Variants in MEGF11 observed in about 807,000 individuals in gnomAD.
MEGF11 encodes multiple EGF like domains 11, also known as multiple epidermal growth factor-like domains protein 11.
MEGF11 carries 126 observed loss-of-function variants against 146.6 expected under a neutral mutation model. The observed-to-expected ratio is 0.86, with a 90% confidence interval of 0.74 to 1.00. The LOEUF (loss-of-function observed/expected upper bound fraction) is 1.00, where lower values mean the gene tolerates loss of function less well. MEGF11 is among the 50% of genes least tolerant of loss of function. The pLI is 0.00. For synonymous variants in MEGF11, 532 were observed against 583.4 expected (o/e 0.91, Z 1.27); for missense variants, 1,509 against 1,521.2 (o/e 0.99, Z 0.13).
chr15:66,045,167 G>A (rs572295525), intron 5 of MEGF11, among the ~76,000 whole-genome samples: 2 of 152,296 alleles, frequency 1.3e-5, no homozygotes, highest in African/African-American at 4.8e-5. Flanking sequence ...CAGGGCGGTT[G>A]GCCTTCATGA....
rs147224912 is a variant in MEGF11 at position 65,949,753 on chromosome 15, G to A, written c.1287+7794C>T. 4.6e-5 allele frequency among the ~76,000 whole-genome samples: 7 copies of A among 152,352 alleles called. No individual in the cohort carries two copies. The East Asian group carries it at 1.3e-3, about 29-fold the overall frequency. On this transcript the variant is annotated intron_variant, in intron 10 of 25. Coordinates refer to ENST00000395614, the MANE Select transcript of MEGF11 (RefSeq NM_001385028.1). The stretch of plus-strand genomic sequence containing the variant: ...AAATCAAGTTTTTGCAGCCCTGGCA[G>A]TGACCTCACAGACAGTTCACTGCAG...
chr15:65,964,854 T>C, intron 9 of MEGF11, 54 bp downstream of exon 9: 1 of 1,480,540 alleles, frequency 6.8e-7, no homozygotes. Flanking sequence ...AAGCCTCCTC[T>C]CTACCTGAGC....
At chr15:65,959,516 A>G (rs1384731378) in intron 9 of MEGF11, among the ~76,000 whole-genome samples, 5 of 152,246 alleles carry the variant, frequency 3.3e-5, no homozygotes, top group African/African-American at 1.2e-4. Context: ...TTTCAAAACA[A>G]TCTGAGGCTA....
chr15:66,017,636 A>G (rs2082934758), intron 5 of MEGF11, among the ~76,000 whole-genome samples: 1 of 152,092 alleles, frequency 6.6e-6, no homozygotes, highest in African/African-American at 2.4e-5. Context: ...TCTGAGGGTC[A>G]CACCCTTCTC....
rs565312830 is a variant in MEGF11 at position 65,915,799 on chromosome 15, A to G, written c.2345-201T>C. 5.9e-5 allele frequency among the ~76,000 whole-genome samples: 9 copies of G among 152,032 alleles called. No individual in the cohort carries two copies. In the East Asian group the frequency reaches 1.7e-3, roughly 29 times the overall value. ...GAGTGAGCAGGGCCCACTCACCCCT[A>G]CTTCCTCCTCATGCAACACATTTAA... On this transcript the variant is annotated intron_variant, in intron 18 of 25. Coordinates refer to ENST00000395614, the MANE Select transcript of MEGF11 (RefSeq NM_001385028.1).
intron 5 of MEGF11, among the ~76,000 whole-genome samples, chr15:66,017,542 A>C (rs116059338): frequency 0.011 from 1,705 of 152,188 alleles, 40 homozygotes; most frequent in African/African-American, 0.04. Context: ...CAGCACCCGG[A>C]ATCCTCCGGC....
intron 5 of MEGF11, among the ~76,000 whole-genome samples, chr15:66,087,734 G>A (rs1361976820): frequency 1.3e-5 from 2 of 152,060 alleles, no homozygotes; most frequent in Non-Finnish European, 2.9e-5. Flanking sequence ...AACACAAATA[G>A]ATAACCTAAG....
At chr15:66,200,441 T>G (rs1213243653) in intron 1 of MEGF11, among the ~76,000 whole-genome samples, 2 of 152,236 alleles carry the variant, frequency 1.3e-5, no homozygotes, top group African/African-American at 4.8e-5. Flanking sequence ...CTTGTAAGAC[T>G]CTCTAGGGGA....
chr15:66,133,843 T>C (rs919113862), intron 1 of MEGF11, among the ~76,000 whole-genome samples: 28 of 152,172 alleles, frequency 1.8e-4, no homozygotes, highest in Admixed American at 1.8e-3. Context: ...TAAAGAGTGA[T>C]TCCCTGACTG....
chr15:66,250,265 C>T lies in MEGF11; in HGVS notation c.-9+3340G>A, dbSNP rs768082236. Among the ~76,000 whole-genome samples the T allele has an allele frequency of 3.3e-5, 5 of 152,362 alleles. 1 individual carries two copies. The highest frequency in any genetic ancestry group is 5.9e-5 in the Non-Finnish European group (4 of 68,036). Reference sequence around the variant, plus strand: ...CAGGAGCTGGGGTCATGCAAGCCCACAGAATCTCCAAATCTCACAGCCAAC... The same window carrying T: ...CAGGAGCTGGGGTCATGCAAGCCCATAGAATCTCCAAATCTCACAGCCAAC... On this transcript the variant is annotated intron_variant, in intron 1 of 25. Coordinates refer to ENST00000395614, the MANE Select transcript of MEGF11 (RefSeq NM_001385028.1).
intron 5 of MEGF11, among the ~76,000 whole-genome samples, chr15:66,068,931 A>C (rs2085251656): frequency 6.6e-6 from 1 of 152,220 alleles, no homozygotes. Flanking sequence ...AAATTCACTC[A>C]TCAAACATGG....
intron 1 of MEGF11, among the ~76,000 whole-genome samples, chr15:66,154,097 A>C (rs1444385371): frequency 6.6e-6 from 1 of 152,196 alleles, no homozygotes; most frequent in Non-Finnish European, 1.5e-5. Flanking sequence ...AACAAACAAA[A>C]AAAACCCTTC....
At chr15:66,160,723 TA>T (rs1201147325) in intron 1 of MEGF11, among the ~76,000 whole-genome samples, 1 of 150,558 alleles carries the variant, frequency 6.6e-6, no homozygotes. Context: ...CCTAGGAATT[TA>T]TTCCTGCCCT....
At chr15:66,027,693 G>A (rs1349005056) in intron 5 of MEGF11, among the ~76,000 whole-genome samples, 1 of 152,158 alleles carries the variant, frequency 6.6e-6, no homozygotes, top group Non-Finnish European at 1.5e-5. Flanking sequence ...GGTGGGGGTG[G>A]CAAGAATCTA....
chr15:65,969,077 G>A lies in MEGF11; in HGVS notation c.899+1476C>T, dbSNP rs1402539979. On this transcript the variant is annotated intron_variant, in intron 8 of 25. Coordinates refer to ENST00000395614, the MANE Select transcript of MEGF11 (RefSeq NM_001385028.1). ...GCTGGAGGGCCCCTTGGCTTTAGGG[G>A]TTCCTCTCTGCCCAGGATCATGGAC... Among the ~76,000 whole-genome samples the A allele has an allele frequency of 2.6e-5, 4 of 152,150 alleles. No individual in the cohort carries two copies. In the East Asian group the frequency reaches 7.7e-4, roughly 29 times the overall value.
At chr15:66,132,095 G>C (rs1289035665) in intron 1 of MEGF11, among the ~76,000 whole-genome samples, 2 of 152,222 alleles carry the variant, frequency 1.3e-5, no homozygotes, top group African/African-American at 4.8e-5. Context: ...CTCCTGTCCA[G>C]GGCTTCTGCT....
chr15:66,122,042 A>G (rs112267735), intron 3 of MEGF11, among the ~76,000 whole-genome samples: 5 of 152,176 alleles, frequency 3.3e-5, no homozygotes, highest in Admixed American at 6.5e-5. Context: ...AGGCGAGCAG[A>G]TCACGAGGTC....
At chr15:66,079,378 CAA>C (rs1358505410) in intron 5 of MEGF11, among the ~76,000 whole-genome samples, 2 of 152,258 alleles carry the variant, frequency 1.3e-5, no homozygotes, top group East Asian at 3.9e-4. Context: ...CCAGAAACAG[CAA>C]AAGAGACATG....
At chr15:66,106,095 C>A (rs1449077160) in intron 4 of MEGF11, among the ~76,000 whole-genome samples, 1 of 152,154 alleles carries the variant, frequency 6.6e-6, no homozygotes, top group Non-Finnish European at 1.5e-5. Context: ...CCTTCCCCAC[C>A]CCATCAGGAG....
Sources: allele counts gnomAD v4.1 joint callset (sites outside exome capture counted in the v4.1 genomes callset), GRCh38; gene constraint gnomAD v4.1.1; transcripts MANE v1.5; gene names NCBI Gene and HGNC (gene_info 2026-07-23, HGNC 2026-07-21).